The following PANK3 variants were observed in gnomAD, a reference collection of about 807,000 sequenced individuals.
The protein encoded by PANK3 is hPanK3.
Under a neutral mutation model 39.4 loss-of-function variants are expected in PANK3, and 20 were observed. The observed-to-expected ratio is 0.51, with a 90% CI of 0.36 to 0.74. The LOEUF (loss-of-function observed/expected upper bound fraction) is 0.74, where lower values mean the gene tolerates loss of function less well. Ranked by LOEUF, PANK3 falls within the 30% of genes least tolerant of loss-of-function variation. PANK3 has a pLI of 0.00. For missense variants in PANK3, 265 were observed against 437.0 expected, an observed-to-expected ratio of 0.61 and a Z score of 3.51; for synonymous variants, 140 against 157.3, an observed-to-expected ratio of 0.89 and a Z score of 0.82.
intron 3 of PANK3, 140 bp from the exon 4 acceptor site, chr5:168,564,205 A>G: frequency 1.4e-6 from 1 of 713,072 alleles, no homozygotes; most frequent in South Asian, 3.5e-5. Context: ...AAATAACATA[A>G]CGAAGGCAAC....
In PANK3 at chr5:168,559,015, A is replaced by C. The variant is rs762211918; in HGVS notation, c.1062+17T>G. On this transcript the variant is annotated intron_variant, in intron 6 of 6. Coordinates refer to ENST00000239231, the MANE Select transcript of PANK3 (RefSeq NM_024594.4). The stretch of plus-strand genomic sequence containing the variant: ...AACATGCTATTAAAATTCACAAAAA[A>C]CATTTTCCTACCATACCTCATGTTC... 2.5e-6 allele frequency: 4 copies of C among 1,594,968 alleles called. No individual in the cohort carries two copies. The African/African-American group carries it at 5.4e-5, about 22-fold the overall frequency.
chr5:168,576,687 C>T (rs1234319209), intron 1 of PANK3, among the ~76,000 whole-genome samples: 2 of 151,502 alleles, frequency 1.3e-5, no homozygotes, highest in Non-Finnish European at 2.9e-5. Context: ...CTTGTTTAGC[C>T]AATATAATAT....
chr5:168,566,887 C>T (rs958694986), intron 2 of PANK3, among the ~76,000 whole-genome samples: 12 of 152,198 alleles, frequency 7.9e-5, no homozygotes, highest in South Asian at 2.1e-4. Flanking sequence ...GGATTGCAGG[C>T]GCCCGCCACC....
chr5:168,573,568 T>C (rs1233681420), intron 1 of PANK3, among the ~76,000 whole-genome samples: 1 of 151,658 alleles, frequency 6.6e-6, no homozygotes, highest in Non-Finnish European at 1.5e-5. Context: ...ATGTGCACAA[T>C]GTGCAGGTTA....
intron 2 of PANK3, 24 bp from the exon 3 acceptor site, chr5:168,566,290 C>CAA: frequency 6.5e-7 from 1 of 1,547,466 alleles, no homozygotes; most frequent in Non-Finnish European, 8.7e-7. Context: ...CAAACAAAAA[C>CAA]AAAAAAGGAT....
In PANK3 at chr5:168,559,015, A is replaced by T. The variant is rs762211918; in HGVS notation, c.1062+17T>A. 1.9e-6 allele frequency: 3 copies of T among 1,594,968 alleles called. No homozygotes were observed. Among genetic ancestry groups the T allele is most frequent in the Non-Finnish European group, 2.6e-6 (3 of 1,172,672 alleles). ...AACATGCTATTAAAATTCACAAAAA[A>T]CATTTTCCTACCATACCTCATGTTC... On this transcript the variant is annotated intron_variant, in intron 6 of 6. Coordinates refer to ENST00000239231, the MANE Select transcript of PANK3 (RefSeq NM_024594.4).
intron 3 of PANK3, among the ~76,000 whole-genome samples, chr5:168,565,239 C>A (rs140231280): frequency 2.0e-5 from 3 of 152,106 alleles, no homozygotes; most frequent in East Asian, 3.9e-4. Context: ...GAAAATCTTT[C>A]TTCCTTAAAC....
chr5:168,575,301 G>A (rs1178411336), intron 1 of PANK3, among the ~76,000 whole-genome samples: 2 of 152,182 alleles, frequency 1.3e-5, no homozygotes, highest in African/African-American at 4.8e-5. Context: ...TGTCTTACCA[G>A]ACGCATTATA....
At chr5:168,559,886 C>A (rs1759415852) in intron 5 of PANK3, among the ~76,000 whole-genome samples, 2 of 152,124 alleles carry the variant, frequency 1.3e-5, no homozygotes, top group African/African-American at 4.8e-5. Flanking sequence ...CTTTCTCCGT[C>A]CCCTGCCTGA....
intron 1 of PANK3, among the ~76,000 whole-genome samples, chr5:168,577,495 G>A (rs147926259): frequency 1.3e-5 from 2 of 152,070 alleles, no homozygotes; most frequent in East Asian, 1.9e-4. Context: ...CACCATGCCC[G>A]GCTAATCTTT....
chr5:168,553,065 C>T lies in PANK3; in HGVS notation c.*4506G>A. On this transcript the variant is annotated 3_prime_UTR_variant, in exon 7 of 7. Coordinates refer to ENST00000239231, the MANE Select transcript of PANK3 (RefSeq NM_024594.4). Reference sequence around the variant, plus strand: ...CAATTGCTGAAGGATCTCATTAGTACTCTTCCTTTCTGTTAATGAGCAAAA... The same window carrying T: ...CAATTGCTGAAGGATCTCATTAGTATTCTTCCTTTCTGTTAATGAGCAAAA... 1 of 402,190 alleles carries T rather than the reference C, an allele frequency of 2.5e-6. No homozygotes were observed. Among genetic ancestry groups the T allele is most frequent in the Non-Finnish European group, 4.9e-6 (1 of 205,188 alleles). 24.9% of individuals were successfully genotyped at this position (402,190 alleles called of 1,614,324 possible).
At chr5:168,565,868 AAT>A (rs1554125711) in intron 3 of PANK3, 143 bp downstream of exon 3, 52 of 131,926 alleles carry the variant, frequency 3.9e-4, no homozygotes, top group Non-Finnish European at 4.9e-4. Flanking sequence ...AAAAAAAAAA[AAT>A]ATATATATAT....
In PANK3 at chr5:168,579,236, G is replaced by A; in HGVS notation, c.28+20C>T. 6.7e-7 allele frequency: 1 copy of A among 1,486,178 alleles called. No homozygotes were observed. The highest frequency in any genetic ancestry group is 9.0e-7 in the Non-Finnish European group (1 of 1,115,732). 92.1% of individuals were successfully genotyped at this position (1,486,178 alleles called of 1,614,324 possible). On this transcript the variant is annotated intron_variant, in intron 1 of 6. Transcript: ENST00000239231. ...CCAAGGGTGCCCTCCCAACCTGGCG[G>A]GCCCCAGCCCCCGTCTTACAGGGTT...
At chr5:168,564,759 G>T (rs574374658) in intron 3 of PANK3, among the ~76,000 whole-genome samples, 1 of 152,230 alleles carries the variant, frequency 6.6e-6, no homozygotes, top group Non-Finnish European at 1.5e-5. Context: ...TCGTTTCCAA[G>T]AAATGATTTT....
chr5:168,561,958 GAAATA>G (rs780591636), intron 4 of PANK3, among the ~76,000 whole-genome samples: 2 of 151,856 alleles, frequency 1.3e-5, no homozygotes, highest in Non-Finnish European at 2.9e-5. Context: ...CTGTCCAATA[GAAATA>G]AAATACGAGT....
intron 6 of PANK3, among the ~76,000 whole-genome samples, chr5:168,558,475 GC>G (rs1158016938): frequency 1.8e-4 from 27 of 152,258 alleles, no homozygotes; most frequent in African/African-American, 6.0e-4. Context: ...AGACATGGAA[GC>G]TTTTAAGAGC....
At chr5:168,570,043 C>T (rs1759601524) in intron 1 of PANK3, among the ~76,000 whole-genome samples, 1 of 152,042 alleles carries the variant, frequency 6.6e-6, no homozygotes, top group South Asian at 2.1e-4. Context: ...GAGTGAGATC[C>T]TGTCATAAAA....
chr5:168,575,914 CA>C (rs1561843944), intron 1 of PANK3, among the ~76,000 whole-genome samples: 2 of 152,082 alleles, frequency 1.3e-5, no homozygotes, highest in African/African-American at 4.8e-5. Flanking sequence ...TTTAAAAGAA[CA>C]AAATTATAAA....
At position 168,557,010 on chromosome 5, in the gene PANK3, G is replaced by A. The variant is rs1759359287; in HGVS notation, c.*561C>T. The stretch of plus-strand genomic sequence containing the variant: ...TATTTCAGTTAATTATGGCATTTGA[G>A]AAAAAGATACTAATGGGGAAAGATC... On this transcript the variant is annotated 3_prime_UTR_variant, in exon 7 of 7. Coordinates refer to ENST00000239231, the MANE Select transcript of PANK3 (RefSeq NM_024594.4). The A allele has an allele frequency of 6.6e-6, 1 of 152,472 alleles. No homozygotes were observed. The highest frequency in any genetic ancestry group is 1.5e-5 in the Non-Finnish European group (1 of 68,034). The allele number at this position is 152,472 out of a possible 1,614,324, so 9.4% of individuals were successfully genotyped here.
Sources: allele counts gnomAD v4.1 joint callset (sites outside exome capture counted in the v4.1 genomes callset), GRCh38; gene constraint gnomAD v4.1.1; transcripts MANE v1.5; gene names NCBI Gene and HGNC (gene_info 2026-07-23, HGNC 2026-07-21).